Variants in PCDHA11 observed in about 807,000 individuals in gnomAD.
PCDHA11 encodes protocadherin alpha 11.
A neutral mutation model predicts 70.3 loss-of-function variants in PCDHA11; 61 were observed. That is an observed-to-expected ratio of 0.87 (90% CI 0.71 to 1.07). PCDHA11 has a LOEUF of 1.07. Ranked by LOEUF, PCDHA11 falls within the 50% of genes least tolerant of loss-of-function variation. PCDHA11 has a pLI of 0.00. For synonymous variants in PCDHA11, 633 were observed against 555.1 expected (o/e 1.14, Z -1.97); for missense variants, 1,324 against 1,237.5 (o/e 1.07, Z -1.05).
At chr5:140,938,536 G>T (rs1443736475) in intron 1 of PCDHA11, among the ~76,000 whole-genome samples, 2 of 140,060 alleles carry the variant, frequency 1.4e-5, no homozygotes, top group Non-Finnish European at 3.2e-5. Context: ...TGGATAATAT[G>T]GATTTTTATC....
intron 3 of PCDHA11, among the ~76,000 whole-genome samples, chr5:141,004,848 CAG>C (rs1554259777): frequency 6.6e-6 from 1 of 152,190 alleles, no homozygotes; most frequent in Non-Finnish European, 1.5e-5. Context: ...TCATTAGTCT[CAG>C]AGAAAAAATT....
chr5:140,982,154 G>A (rs1304368371), intron 2 of PCDHA11, among the ~76,000 whole-genome samples: 3 of 152,210 alleles, frequency 2.0e-5, no homozygotes, highest in East Asian at 1.9e-4. Flanking sequence ...CTTCAGTATC[G>A]AGATGTTAAA....
intron 1 of PCDHA11, among the ~76,000 whole-genome samples, chr5:140,912,045 C>T (rs1276989293): frequency 2.0e-5 from 3 of 152,196 alleles, no homozygotes; most frequent in African/African-American, 4.8e-5. Flanking sequence ...AGTCCCAAAG[C>T]TGAAGAACTT....
chr5:140,978,377 G>A (rs1382683424), intron 1 of PCDHA11, among the ~76,000 whole-genome samples: 3 of 152,212 alleles, frequency 2.0e-5, no homozygotes, highest in Non-Finnish European at 4.4e-5. Context: ...GCAATAGTTT[G>A]TTTTCCTCTC....
At chr5:140,962,207 A>G (rs1364251526) in intron 1 of PCDHA11, among the ~76,000 whole-genome samples, 13 of 152,236 alleles carry the variant, frequency 8.5e-5, no homozygotes, top group Admixed American at 3.3e-4. Flanking sequence ...CTATCTCCTT[A>G]TTGATCTTGA....
At chr5:140,926,196 T>C (rs1175807987) in intron 1 of PCDHA11, among the ~76,000 whole-genome samples, 1 of 151,596 alleles carries the variant, frequency 6.6e-6, no homozygotes, top group Non-Finnish European at 1.5e-5. Context: ...CAGCACTTCT[T>C]TCGGGGGGCT....
intron 1 of PCDHA11, among the ~76,000 whole-genome samples, chr5:140,955,810 A>G (rs1171384572): frequency 1.3e-5 from 2 of 152,090 alleles, no homozygotes; most frequent in Non-Finnish European, 2.9e-5. Context: ...GTTTGTGTCC[A>G]CTGTGATTTC....
chr5:140,898,794 T>C (rs1487494121), intron 1 of PCDHA11, among the ~76,000 whole-genome samples: 4 of 152,236 alleles, frequency 2.6e-5, no homozygotes, highest in Non-Finnish European at 4.4e-5. Context: ...ATGGCCATTT[T>C]CACGATACTG....
intron 1 of PCDHA11, among the ~76,000 whole-genome samples, chr5:140,901,955 G>A (rs2069015305): frequency 6.6e-6 from 1 of 151,848 alleles, no homozygotes; most frequent in Admixed American, 6.6e-5. Flanking sequence ...TTTTATTCGT[G>A]GCTATCGTAA....
In PCDHA11 at chr5:141,005,148, G is replaced by T. The variant is rs528805353; in HGVS notation, c.2540-4479G>T. The stretch of plus-strand genomic sequence containing the variant: ...AAGTGCCTCATTGGAGAGTTGTTTG[G>T]TCTGCTAAAGAGTGGGTACCACTTT... On this transcript the variant is annotated intron_variant, in intron 3 of 3. Transcript: ENST00000398640. 3.3e-5 allele frequency among the ~76,000 whole-genome samples: 5 copies of T among 152,328 alleles called. No individual in the cohort carries two copies. The South Asian group carries it at 1.0e-3, about 32-fold the overall frequency.
At chr5:140,955,823 T>C (rs1189753862) in intron 1 of PCDHA11, among the ~76,000 whole-genome samples, 1 of 152,208 alleles carries the variant, frequency 6.6e-6, no homozygotes, top group African/African-American at 2.4e-5. Flanking sequence ...GTGATTTCCT[T>C]GAGCAGTGGT....
intron 1 of PCDHA11, chr5:140,927,842 T>A (rs201721848): frequency 1.9e-6 from 3 of 1,614,140 alleles, no homozygotes; most frequent in Admixed American, 1.7e-5. Context: ...GACGAAGGTG[T>A]CTTTGGTTTA....
chr5:140,926,830 G>T (rs2083580756), intron 1 of PCDHA11: 2 of 1,503,958 alleles, frequency 1.3e-6, no homozygotes, highest in Non-Finnish European at 1.8e-6. Context: ...CAGGAGTCCG[G>T]AGCATGGTCC....
In PCDHA11 at chr5:140,871,160, C is replaced by G. The variant is rs1554165222; in HGVS notation, c.2057C>G (p.Ala686Gly). The change falls in exon 1 of 4, where the codon GCG becomes GGG. Residue 686 changes from alanine (A) to glycine (G), a missense_variant. By Grantham distance (60) the Ala-to-Gly change is moderately conservative (BLOSUM62 0). Transcript: ENST00000398640. ...TCTTCCCGGACTTTGGCGGGCGCCG[C>G]GAGCCCAGAGGCTGCGCTGGTGGAT... ...KASSRTLAGA[A>G]SPEAALVDVN... The G allele has an allele frequency of 1.2e-6, 2 of 1,613,470 alleles. No individual in the cohort carries two copies. Among genetic ancestry groups the G allele is most frequent in the South Asian group, 1.1e-5 (1 of 91,088 alleles).
chr5:140,883,003 C>T, intron 1 of PCDHA11: 1 of 1,614,050 alleles, frequency 6.2e-7, no homozygotes, highest in East Asian at 2.2e-5. Flanking sequence ...TTTACCAATC[C>T]GTTTATAAAG....
chr5:140,880,318 A>G (rs2058303482), intron 1 of PCDHA11, among the ~76,000 whole-genome samples: 1 of 152,268 alleles, frequency 6.6e-6, no homozygotes, highest in Admixed American at 6.5e-5. Context: ...CAAGTAAAAA[A>G]TAAGATACTA....
intron 1 of PCDHA11, among the ~76,000 whole-genome samples, chr5:140,937,011 G>A (rs567332621): frequency 9.2e-5 from 14 of 151,352 alleles, no homozygotes; most frequent in Non-Finnish European, 1.8e-4. Flanking sequence ...ACAGACAACC[G>A]ATTAACAAGG....
At position 140,868,962 on chromosome 5, in the gene PCDHA11, A is replaced by G. The variant is rs1554162350; in HGVS notation, c.-142A>G. 20 of 1,421,940 alleles carry G rather than the reference A, an allele frequency of 1.4e-5. No individual in the cohort carries two copies. The highest frequency in any genetic ancestry group is 3.8e-6 in the Non-Finnish European group (4 of 1,060,816). The allele number at this position is 1,421,940 out of a possible 1,614,324, so 88.1% of individuals were successfully genotyped here. A position where few individuals can be genotyped will look rare whatever the true frequency, so the allele number is the denominator to read the frequency against. ...CTGAACAGTGAGGCACTCCCATACAAAGGAACTCCATCATACCGGATGCCA... is the reference window on the plus strand; with the variant it reads ...CTGAACAGTGAGGCACTCCCATACAGAGGAACTCCATCATACCGGATGCCA... On this transcript the variant is annotated 5_prime_UTR_variant, in exon 1 of 4. Transcript: ENST00000398640.
rs201501759 is a variant in PCDHA11 at position 140,978,957 on chromosome 5, G to A, written c.2400G>A (p.Gln800=). The stretch of plus-strand genomic sequence containing the variant: ...TCTTTGTGATTTTGCAGCCACGACA[G>A]CCCAACCCTGACTGGCGTTACTCTG... ...PGSNHPGQPR[Q]PNPDWRYSAS... is the part of the protein sequence containing the mutation. Residue 800 remains glutamine, a synonymous_variant, in exon 2 of 4, where the codon CAG becomes CAA. Coordinates refer to ENST00000398640, the MANE Select transcript of PCDHA11 (RefSeq NM_018902.5). 56 of 1,614,040 alleles carry A rather than the reference G, an allele frequency of 3.5e-5. No individual in the cohort carries two copies. In the East Asian group the frequency reaches 1.1e-3, roughly 32 times the overall value.
Sources: allele counts gnomAD v4.1 joint callset (sites outside exome capture counted in the v4.1 genomes callset), GRCh38; gene constraint gnomAD v4.1.1; transcripts MANE v1.5; gene names NCBI Gene and HGNC (gene_info 2026-07-23, HGNC 2026-07-21).